LHFPL6: variants seen among roughly 807,000 people sequenced by gnomAD.
LHFPL6 encodes LHFPL tetraspan subfamily member 6.
In LHFPL6, 9 loss-of-function variants were observed where a neutral mutation model predicts 20.6. That is an observed-to-expected ratio of 0.44 (90% CI 0.26 to 0.76). The LOEUF is 0.76. Among genes scored for constraint, LHFPL6 ranks in the 30% least tolerant of loss-of-function variants. The probability of loss-of-function intolerance (pLI) is 0.20; values close to 1 mark genes in which losing one functional copy is unlikely to be tolerated. For missense variants in LHFPL6, 218 were observed against 253.5 expected (o/e 0.86, Z 0.95); for synonymous variants, 105 against 98.7 (o/e 1.06, Z -0.38).
chr13:39,405,553 C>T (rs976858004), intron 2 of LHFPL6, among the ~76,000 whole-genome samples: 4 of 152,194 alleles, frequency 2.6e-5, no homozygotes, highest in Admixed American at 1.3e-4. Flanking sequence ...ACGATATAAA[C>T]ATCTTCTGGG....
At chr13:39,414,233 T>G (rs1871298183) in intron 2 of LHFPL6, among the ~76,000 whole-genome samples, 1 of 152,208 alleles carries the variant, frequency 6.6e-6, no homozygotes, top group South Asian at 2.1e-4. Context: ...ATATTACCTA[T>G]TTGGAAATCA....
chr13:39,514,134 A>G (rs1351659235), intron 2 of LHFPL6, among the ~76,000 whole-genome samples: 1 of 152,142 alleles, frequency 6.6e-6, no homozygotes, highest in Non-Finnish European at 1.5e-5. Flanking sequence ...AAACTGGCCA[A>G]ACTAAAGTAA....
chr13:39,422,071 C>T (rs1167769195), intron 2 of LHFPL6, among the ~76,000 whole-genome samples: 2 of 152,126 alleles, frequency 1.3e-5, no homozygotes, highest in African/African-American at 2.4e-5. Flanking sequence ...ATCTCATGCC[C>T]TTTTTAGCAG....
intron 2 of LHFPL6, among the ~76,000 whole-genome samples, chr13:39,420,515 A>G (rs1217970168): frequency 1.3e-5 from 2 of 152,196 alleles, no homozygotes; most frequent in Non-Finnish European, 2.9e-5. Context: ...GATTTTTAAA[A>G]TACATGAGTA....
At chr13:39,546,678 A>G (rs993089036) in intron 2 of LHFPL6, among the ~76,000 whole-genome samples, 11 of 151,988 alleles carry the variant, frequency 7.2e-5, no homozygotes, top group African/African-American at 2.7e-4. Flanking sequence ...CCTTGACTCC[A>G]CCCCATCTCT....
At chr13:39,364,324 C>G (rs1363359141) in intron 3 of LHFPL6, among the ~76,000 whole-genome samples, 1 of 152,136 alleles carries the variant, frequency 6.6e-6, no homozygotes, top group Admixed American at 6.5e-5. Flanking sequence ...TGGGGTTTCC[C>G]TTTCATACCA....
chr13:39,374,068 T>C lies in LHFPL6; in HGVS notation c.484+4360A>G, dbSNP rs184358165. Among the ~76,000 whole-genome samples, 8 of 152,242 alleles carry C rather than the reference T, an allele frequency of 5.3e-5. No homozygotes were observed. The East Asian group carries it at 9.7e-4, about 18-fold the overall frequency. Reference sequence around the variant, plus strand: ...TAAATCATTCTACCAAAAAGATTCATGTACCCCACATGTTCATCAAAGTAC... The same window carrying C: ...TAAATCATTCTACCAAAAAGATTCACGTACCCCACATGTTCATCAAAGTAC... On this transcript the variant is annotated intron_variant, in intron 3 of 3. Transcript: ENST00000379589.
intron 2 of LHFPL6, among the ~76,000 whole-genome samples, chr13:39,486,422 T>C (rs533113482): frequency 8.5e-5 from 13 of 152,314 alleles, no homozygotes; most frequent in African/African-American, 2.9e-4. Flanking sequence ...AAAAAATGTA[T>C]TGCAACCCTG....
chr13:39,469,147 C>T (rs1425645262), intron 2 of LHFPL6, among the ~76,000 whole-genome samples: 1 of 152,174 alleles, frequency 6.6e-6, no homozygotes, highest in African/African-American at 2.4e-5. Context: ...TACTTCAAGT[C>T]ACTCTACTTT....
At chr13:39,471,459 G>GTAAT (rs1872943157) in intron 2 of LHFPL6, among the ~76,000 whole-genome samples, 1 of 152,162 alleles carries the variant, frequency 6.6e-6, no homozygotes, top group South Asian at 2.1e-4. Flanking sequence ...AAACAAGAGG[G>GTAAT]TAATCCCTTT....
At chr13:39,495,447 A>AC (rs1869066776) in intron 2 of LHFPL6, among the ~76,000 whole-genome samples, 1 of 152,160 alleles carries the variant, frequency 6.6e-6, no homozygotes, top group Admixed American at 6.5e-5. Context: ...TGTAGTTCTC[A>AC]AATCATTCAT....
At chr13:39,502,843 AG>A (rs1378662148) in intron 2 of LHFPL6, among the ~76,000 whole-genome samples, 2 of 152,214 alleles carry the variant, frequency 1.3e-5, no homozygotes, top group Admixed American at 6.5e-5. Flanking sequence ...AGTCTTTTCC[AG>A]AGTAATAAAT....
intron 2 of LHFPL6, among the ~76,000 whole-genome samples, chr13:39,387,214 GTACACACA>G (rs1233956636): frequency 6.6e-6 from 1 of 151,928 alleles, no homozygotes; most frequent in East Asian, 1.9e-4. Context: ...ATGTATTTTT[GTACACACA>G]TGTTTTTGAA....
intron 2 of LHFPL6, among the ~76,000 whole-genome samples, chr13:39,542,289 G>GA (rs1176815174): frequency 1.3e-5 from 2 of 151,860 alleles, no homozygotes; most frequent in Non-Finnish European, 2.9e-5. Flanking sequence ...TTGAGCTGTG[G>GA]AAAAAAATTG....
At chr13:39,551,431 C>T (rs1871143417) in intron 2 of LHFPL6, among the ~76,000 whole-genome samples, 1 of 151,388 alleles carries the variant, frequency 6.6e-6, no homozygotes, top group Non-Finnish European at 1.5e-5. Context: ...TTTATTTGGC[C>T]CCACCTCCCA....
chr13:39,402,402 A>AT (rs1001290423), intron 2 of LHFPL6, among the ~76,000 whole-genome samples: 6 of 151,950 alleles, frequency 3.9e-5, no homozygotes, highest in African/African-American at 1.4e-4. Context: ...TATTTTTGCA[A>AT]TTTTTTTGTG....
At chr13:39,526,877 T>C (rs1870307544) in intron 2 of LHFPL6, among the ~76,000 whole-genome samples, 1 of 152,238 alleles carries the variant, frequency 6.6e-6, no homozygotes, top group Non-Finnish European at 1.5e-5. Context: ...GAATTCTGAA[T>C]ACCCTCAAGA....
chr13:39,357,448 C>T (rs182435273), intron 3 of LHFPL6, among the ~76,000 whole-genome samples: 10 of 152,272 alleles, frequency 6.6e-5, no homozygotes, highest in South Asian at 2.1e-4. Flanking sequence ...AAGACAAAGA[C>T]GCCAACTTTC....
chr13:39,593,978 A>C (rs1872691245), intron 2 of LHFPL6, among the ~76,000 whole-genome samples: 1 of 152,228 alleles, frequency 6.6e-6, no homozygotes, highest in African/African-American at 2.4e-5. Flanking sequence ...AGATGGATTA[A>C]AGACTTAAAC....
Sources: allele counts gnomAD v4.1 joint callset (sites outside exome capture counted in the v4.1 genomes callset), GRCh38; gene constraint gnomAD v4.1.1; transcripts MANE v1.5; gene names NCBI Gene and HGNC (gene_info 2026-07-23, HGNC 2026-07-21).